KIF26B: variants seen among roughly 807,000 people sequenced by gnomAD.
The protein encoded by KIF26B is kinesin family member 26B.
In KIF26B, 63 loss-of-function variants were observed where a neutral mutation model predicts 151.2. That is an observed-to-expected ratio of 0.42 (90% CI 0.34 to 0.51). The LOEUF (loss-of-function observed/expected upper bound fraction) is 0.51. KIF26B is among the 20% of genes least tolerant of loss of function. The pLI, the probability that KIF26B is intolerant of heterozygous loss-of-function variation, is 0.07. For missense variants in KIF26B, 2,813 were observed against 2,913.6 expected (o/e 0.97, Z 0.79); for synonymous variants, 1,357 against 1,262.1 (o/e 1.08, Z -1.59).
rs1674056477 is a variant in KIF26B at position 245,403,500 on chromosome 1, A to C, written c.1000-16079A>C. On this transcript the variant is annotated intron_variant, in intron 3 of 14. Transcript: ENST00000407071. ...GTAGTTTCCATTCTTTCTGAAAAAC[A>C]CTGCTTGAGCCTCGTCCCTTTTGGA... 2.0e-5 allele frequency among the ~76,000 whole-genome samples: 3 copies of C among 152,068 alleles called. No individual in the cohort carries two copies. In the South Asian group the frequency reaches 6.2e-4, roughly 32 times the overall value.
At chr1:245,611,042 A>C (rs562114603) in intron 8 of KIF26B, among the ~76,000 whole-genome samples, 19 of 152,332 alleles carry the variant, frequency 1.2e-4, no homozygotes, top group Non-Finnish European at 2.6e-4. Flanking sequence ...GTTGTGATTC[A>C]GGTTTAAAAT....
At chr1:245,381,141 A>G (rs564598460) in intron 3 of KIF26B, among the ~76,000 whole-genome samples, 1 of 152,220 alleles carries the variant, frequency 6.6e-6, no homozygotes, top group Admixed American at 6.5e-5. Flanking sequence ...ACAGTAGTGA[A>G]GGGTTAAATT....
At chr1:245,472,748 T>C (rs920365862) in intron 4 of KIF26B, among the ~76,000 whole-genome samples, 1 of 152,202 alleles carries the variant, frequency 6.6e-6, no homozygotes, top group African/African-American at 2.4e-5. Context: ...CTTCTTACTT[T>C]TCAAGGCCAT....
At chr1:245,701,813 G>A (rs1224379200) in intron 14 of KIF26B, among the ~76,000 whole-genome samples, 1 of 152,114 alleles carries the variant, frequency 6.6e-6, no homozygotes, top group African/African-American at 2.4e-5. Context: ...TGCTGTCCAC[G>A]CCTCTCCTCC....
chr1:245,356,387 C>G (rs1333271617), intron 2 of KIF26B, among the ~76,000 whole-genome samples: 3 of 152,036 alleles, frequency 2.0e-5, no homozygotes, highest in Non-Finnish European at 4.4e-5. Flanking sequence ...GAAACTCCGT[C>G]TCTACTAAAA....
At chr1:245,699,949 G>C (rs2044746230) in intron 14 of KIF26B, among the ~76,000 whole-genome samples, 1 of 152,096 alleles carries the variant, frequency 6.6e-6, no homozygotes, top group Non-Finnish European at 1.5e-5. Context: ...CCTGGGTGAA[G>C]GTGCGGAAGA....
intron 2 of KIF26B, among the ~76,000 whole-genome samples, chr1:245,282,241 CTACTT>C (rs1219882806): frequency 6.6e-6 from 1 of 152,096 alleles, no homozygotes; most frequent in Non-Finnish European, 1.5e-5. Context: ...TTGGAAAAAA[CTACTT>C]TAAAGTTCAT....
chr1:245,372,582 G>A (rs77123799), intron 3 of KIF26B, among the ~76,000 whole-genome samples: 2,659 of 152,298 alleles, frequency 0.017, 79 homozygotes, highest in African/African-American at 0.059. Flanking sequence ...ATGTGTTACA[G>A]CCTTCATTTG....
At chr1:245,567,312 T>C (rs1001259797) in intron 5 of KIF26B, among the ~76,000 whole-genome samples, 3 of 152,196 alleles carry the variant, frequency 2.0e-5, no homozygotes, top group African/African-American at 7.2e-5. Flanking sequence ...AAATGACTCT[T>C]TGGATTTTTC....
rs749757200 is a variant in KIF26B, at chr1:245,602,445, C to T, written c.1351-132C>T. The T allele has an allele frequency of 1.5e-6, 1 of 678,636 alleles. No individual in the cohort carries two copies. Among genetic ancestry groups the T allele is most frequent in the Non-Finnish European group, 2.6e-6 (1 of 390,128 alleles). 42.0% of individuals were successfully genotyped at this position (678,636 alleles called of 1,614,324 possible). The stretch of plus-strand genomic sequence containing the variant: ...AGGATGATGTTGCTAATTCACTGTG[C>T]ATTTCATCATAATTTATCCTGAGAA... On this transcript the variant is annotated intron_variant, in intron 5 of 14. Transcript: ENST00000407071. The surrounding 1 kb of genome is among the most constrained non-coding windows in gnomAD (Gnocchi z 4.5).
intron 5 of KIF26B, among the ~76,000 whole-genome samples, chr1:245,570,756 T>G (rs2043059737): frequency 6.6e-6 from 1 of 152,240 alleles, no homozygotes; most frequent in South Asian, 2.1e-4. Flanking sequence ...CCACGAGCCC[T>G]TCAGTGTTAA....
intron 4 of KIF26B, among the ~76,000 whole-genome samples, chr1:245,539,515 C>G (rs1661555420): frequency 6.6e-6 from 1 of 152,172 alleles, no homozygotes; most frequent in Non-Finnish European, 1.5e-5. Flanking sequence ...AAATTAGAAT[C>G]CTTAGAATAA....
At chr1:245,685,283 C>A in intron 11 of KIF26B, 122 bp from the exon 12 acceptor site, 1 of 814,152 alleles carries the variant, frequency 1.2e-6, no homozygotes, top group Non-Finnish European at 1.9e-6. Context: ...TGCGGGAGGC[C>A]AACGGGGGTG....
chr1:245,552,259 G>A (rs1661904663), intron 5 of KIF26B, among the ~76,000 whole-genome samples: 1 of 151,738 alleles, frequency 6.6e-6, no homozygotes. Context: ...CAGGGAAGAG[G>A]TGCAGCTGGA....
chr1:245,345,351 G>C (rs1266175609), intron 2 of KIF26B, among the ~76,000 whole-genome samples: 1 of 152,118 alleles, frequency 6.6e-6, no homozygotes, highest in Non-Finnish European at 1.5e-5. Flanking sequence ...GGAAACATCA[G>C]ATCTAACCAC....
intron 2 of KIF26B, among the ~76,000 whole-genome samples, chr1:245,226,469 T>C (rs1669876842): frequency 6.6e-6 from 1 of 152,016 alleles, no homozygotes; most frequent in African/African-American, 2.4e-5. Context: ...TTTTTTTTTT[T>C]GTTTTTTTGT....
intron 3 of KIF26B, among the ~76,000 whole-genome samples, chr1:245,380,883 T>C (rs1367169062): frequency 1.3e-5 from 2 of 151,354 alleles, no homozygotes; most frequent in Non-Finnish European, 2.9e-5. Flanking sequence ...ATGCGCTGTA[T>C]TGTATCTCCT....
intron 4 of KIF26B, among the ~76,000 whole-genome samples, chr1:245,503,201 G>T (rs1660657700): frequency 6.6e-6 from 1 of 152,030 alleles, no homozygotes; most frequent in Non-Finnish European, 1.5e-5. Context: ...TTCCTGATTT[G>T]TCTTTTAAAA....
At chr1:245,562,418 G>A (rs1428984588) in intron 5 of KIF26B, among the ~76,000 whole-genome samples, 1 of 152,018 alleles carries the variant, frequency 6.6e-6, no homozygotes, top group Admixed American at 6.6e-5. Context: ...TTCATGCTTG[G>A]CTCCGTGGTG....
Sources: gnomAD v4.1 joint callset for allele counts (sites outside exome capture counted in the v4.1 genomes callset) on GRCh38, gnomAD v4.1.1 for gene constraint, Gnocchi (gnomAD v3.1) non-coding constraint, MANE v1.5 for transcripts, NCBI Gene and HGNC (gene_info 2026-07-23, HGNC 2026-07-21) for gene names.